Variants in RAD50 observed in about 807,000 individuals in gnomAD.
RAD50 encodes the protein RAD50 double strand break repair protein.
Under a neutral mutation model 168.8 loss-of-function variants are expected in RAD50, and 132 were observed. That is an observed-to-expected ratio of 0.78 (90% CI 0.68 to 0.90). The LOEUF (loss-of-function observed/expected upper bound fraction) is 0.90, where lower values mean the gene tolerates loss of function less well. Among genes scored for constraint, RAD50 ranks in the 40% least tolerant of loss-of-function variants. The pLI is 0.00. For missense variants in RAD50, 1,347 were observed against 1,534.4 expected, an observed-to-expected ratio of 0.88 and a Z score of 2.04; for synonymous variants, 525 against 497.4, an observed-to-expected ratio of 1.06 and a Z score of -0.74.
intron 21 of RAD50, among the ~76,000 whole-genome samples, chr5:132,618,952 A>G (rs2149854240): frequency 6.6e-6 from 1 of 152,306 alleles, no homozygotes; most frequent in South Asian, 2.1e-4. Context: ...GCTTTTTTAA[A>G]AAACAGTTTT....
chr5:132,575,782 T>C lies in RAD50; in HGVS notation c.219T>C (p.Ala73=), dbSNP rs1750385042. ...GNTFVHDPKV[A]QETDVRAQIR... ...TTCTGTGTTTTCCTTCAAAGGTTGC[T>C]CAAGAAACAGATGTGAGAGCCCAGA... The change falls in exon 3 of 25, where the codon GCT becomes GCC. Residue 73 remains alanine, a synonymous_variant. Coordinates refer to ENST00000378823, the MANE Select transcript of RAD50 (RefSeq NM_005732.4). 1 of 1,593,204 alleles carries C rather than the reference T, an allele frequency of 6.3e-7. No individual in the cohort carries two copies. Among genetic ancestry groups the C allele is most frequent in the South Asian group, 1.1e-5 (1 of 90,600 alleles).
intron 2 of RAD50, 39 bp downstream of exon 2, chr5:132,559,406 A>G: frequency 6.4e-7 from 1 of 1,564,284 alleles, no homozygotes. Flanking sequence ...TTATAATTAT[A>G]AAAATGATAA....
chr5:132,640,271 C>T (rs955695509), intron 23 of RAD50, among the ~76,000 whole-genome samples: 1 of 152,156 alleles, frequency 6.6e-6, no homozygotes, highest in Admixed American at 6.5e-5. Flanking sequence ...TCGAAGTTTT[C>T]TAACAGATCC....
At chr5:132,577,801 G>GTT in intron 3 of RAD50, among the ~76,000 whole-genome samples, 1 of 114,682 alleles carries the variant, frequency 8.7e-6, no homozygotes, top group African/African-American at 4.3e-5. Context: ...ACCCATTTCT[G>GTT]ATTTTTTTTT....
rs1469876436 is a variant in RAD50 at position 132,594,989 on chromosome 5, T to G, written c.1914T>G (p.Phe638Leu). 6.2e-7 allele frequency: 1 copy of G among 1,613,934 alleles called. No homozygotes were observed. Among genetic ancestry groups the G allele is most frequent in the Non-Finnish European group, 8.5e-7 (1 of 1,179,810 alleles). Residue 638 changes from phenylalanine (F) to leucine (L), a missense_variant, in exon 12 of 25, where the codon TTT (phenylalanine) becomes TTG (leucine). Physicochemically the swap from Phe to Leu is conservative, Grantham distance 22 (BLOSUM62 0). Coordinates refer to ENST00000378823, the MANE Select transcript of RAD50 (RefSeq NM_005732.4). ...TTGATGTTTGTGGTAGCCAGGATTTTGAAAGTGATTTAGACAGGCTTAAAG... is the reference window on the plus strand; with the variant it reads ...TTGATGTTTGTGGTAGCCAGGATTTGGAAAGTGATTTAGACAGGCTTAAAG... Reference protein sequence around the residue: ...KLFDVCGSQDFESDLDRLKEE... With the variant: ...KLFDVCGSQDLESDLDRLKEE...
In RAD50 at chr5:132,575,820, T is replaced by G. The variant is rs767424884; in HGVS notation, c.257T>G (p.Phe86Cys). Reference sequence around the variant, plus strand: ...GTGAGAGCCCAGATTCGTCTGCAATTTCGTGATGTCAATGGAGAACTTATA... The same window carrying G: ...GTGAGAGCCCAGATTCGTCTGCAATGTCGTGATGTCAATGGAGAACTTATA... The part of the protein sequence containing the change: ...TDVRAQIRLQ[F>C]RDVNGELIAV... The change falls in exon 3 of 25, where the codon TTT (phenylalanine) becomes TGT (cysteine). Residue 86 changes from phenylalanine to cysteine, a missense_variant. By Grantham distance (205) the Phe-to-Cys change is radical (BLOSUM62 -2). Around this residue, in one of 3 missense-constraint regions of RAD50, gnomAD observed 703 missense variants for 767.7 expected, o/e 0.92. Transcript: ENST00000378823. The G allele has an allele frequency of 3.1e-6, 5 of 1,602,134 alleles. No homozygotes were observed. In the African/African-American group the frequency reaches 4.0e-5, roughly 13 times the overall value.
chr5:132,572,151 C>A (rs948904588), intron 2 of RAD50, among the ~76,000 whole-genome samples: 13 of 152,114 alleles, frequency 8.5e-5, no homozygotes, highest in Non-Finnish European at 1.8e-4. Flanking sequence ...TCAATAGATA[C>A]AGAAAAAGCT....
Position 132,557,290 on chromosome 5 carries a change from C to T in RAD50, c.-35C>T, listed in dbSNP as rs1437502649. On this transcript the variant is annotated 5_prime_UTR_variant, in exon 1 of 25. Coordinates refer to ENST00000378823, the MANE Select transcript of RAD50 (RefSeq NM_005732.4). ...GGCCTCAGTTAAGCCTTTGTGGGCTCCAGGTCCCTGGTGAGATTAGAAACG... is the reference window on the plus strand; with the variant it reads ...GGCCTCAGTTAAGCCTTTGTGGGCTTCAGGTCCCTGGTGAGATTAGAAACG... 3.1e-6 allele frequency: 5 copies of T among 1,612,762 alleles called. No individual in the cohort carries two copies. The highest frequency in any genetic ancestry group is 1.6e-4 in the Middle Eastern group (1 of 6,082).
chr5:132,580,097 A>C (rs1284281231), intron 5 of RAD50, 31 bp downstream of exon 5: 1 of 1,524,898 alleles, frequency 6.6e-7, no homozygotes, highest in Admixed American at 1.7e-5. Flanking sequence ...ATTGACAAAA[A>C]TTGTATATCT....
chr5:132,615,235 A>G (rs74861750), intron 19 of RAD50, among the ~76,000 whole-genome samples: 3,693 of 152,282 alleles, frequency 0.024, 110 homozygotes, highest in African/African-American at 0.077. Flanking sequence ...AAAACCACTG[A>G]AATAATTTTG....
intron 13 of RAD50, among the ~76,000 whole-genome samples, chr5:132,596,853 G>A (rs1306548888): frequency 6.6e-6 from 1 of 152,240 alleles, no homozygotes; most frequent in Non-Finnish European, 1.5e-5. Flanking sequence ...AATGAGGCAG[G>A]AAGAGGAATA....
chr5:132,586,957 A>G (rs1750604496), intron 5 of RAD50, among the ~76,000 whole-genome samples: 1 of 152,210 alleles, frequency 6.6e-6, no homozygotes, highest in East Asian at 1.9e-4. Flanking sequence ...GGCAAACACT[A>G]GAAGAATATC....
intron 5 of RAD50, among the ~76,000 whole-genome samples, chr5:132,581,980 G>T (rs1580988867): frequency 6.6e-6 from 1 of 152,158 alleles, no homozygotes; most frequent in Non-Finnish European, 1.5e-5. Flanking sequence ...AACAAGACCT[G>T]TAGGAGCTCT....
At chr5:132,557,643 G>C (rs1481854467) in intron 1 of RAD50, among the ~76,000 whole-genome samples, 190 bp downstream of exon 1, 1 of 152,188 alleles carries the variant, frequency 6.6e-6, no homozygotes, top group Non-Finnish European at 1.5e-5. Flanking sequence ...AGTCTCGGAA[G>C]GATGTCCGGA....
intron 2 of RAD50, among the ~76,000 whole-genome samples, chr5:132,566,682 A>G (rs192604475): frequency 8.4e-4 from 128 of 152,354 alleles, no homozygotes; most frequent in African/African-American, 2.9e-3. Flanking sequence ...ACTTCATGCA[A>G]TTCCCCTGGT....
At chr5:132,638,286 TC>T in intron 23 of RAD50, 63 bp downstream of exon 23, 1 of 1,592,594 alleles carries the variant, frequency 6.3e-7, no homozygotes, top group Non-Finnish European at 8.6e-7. Context: ...GAAACAAACA[TC>T]AGTGCAGTGG....
intron 2 of RAD50, among the ~76,000 whole-genome samples, chr5:132,567,665 G>A (rs889373198): frequency 1.3e-5 from 2 of 152,178 alleles, no homozygotes; most frequent in South Asian, 2.1e-4. Flanking sequence ...AACTACCAAG[G>A]TGGCAAGTGG....
intron 17 of RAD50, 124 bp downstream of exon 17, chr5:132,608,849 A>G (rs1751032826): frequency 2.1e-6 from 3 of 1,414,252 alleles, no homozygotes; most frequent in East Asian, 2.5e-5. Flanking sequence ...TTTCAGATTC[A>G]TGGTATAATT....
chr5:132,640,662 T>G lies in RAD50; in HGVS notation c.3619-10T>G, dbSNP rs766565530. 3.1e-6 allele frequency: 5 copies of G among 1,614,110 alleles called. No homozygotes were observed. Among genetic ancestry groups the G allele is most frequent in the Non-Finnish European group, 3.4e-6 (4 of 1,179,978 alleles). On this transcript the variant is annotated splice_polypyrimidine_tract_variant and intron_variant, in intron 23 of 24. Coordinates refer to ENST00000378823, the MANE Select transcript of RAD50 (RefSeq NM_005732.4). ...TGTGCTGGGCTTCTCACATAGGGGC[T>G]TTTTTCCAGGTATTAGCCTCACTCA...
Sources: allele counts gnomAD v4.1 joint callset (sites outside exome capture counted in the v4.1 genomes callset), GRCh38; gene constraint gnomAD v4.1.1; regional missense constraint gnomAD v4.1.1; transcripts MANE v1.5; gene names NCBI Gene and HGNC (gene_info 2026-07-23, HGNC 2026-07-21).